The following TYR variants were observed in gnomAD, a reference collection of about 807,000 sequenced individuals.
TYR encodes LB24-AB.
TYR carries 58 observed loss-of-function variants against 51.5 expected under a neutral mutation model. That is an observed-to-expected ratio of 1.13 (90% CI 0.91 to 1.40). TYR has a LOEUF of 1.40. Among genes scored for constraint, TYR ranks in the 40% most tolerant of loss-of-function variants. TYR has a pLI of 0.00. For synonymous variants in TYR, 263 were observed against 235.2 expected (o/e 1.12, Z -1.08); for missense variants, 732 against 647.4 (o/e 1.13, Z -1.42).
intron 1 of TYR, among the ~76,000 whole-genome samples, chr11:89,189,252 G>A (rs938336478): frequency 8.5e-5 from 13 of 152,096 alleles, no homozygotes; most frequent in Non-Finnish European, 1.5e-4. Flanking sequence ...TTTGTGAAGC[G>A]AAATGTATTG....
intron 3 of TYR, among the ~76,000 whole-genome samples, chr11:89,235,221 T>A (rs1344763037): frequency 6.6e-6 from 1 of 152,092 alleles, no homozygotes; most frequent in Non-Finnish European, 1.5e-5. Flanking sequence ...CACATGCACA[T>A]TTTTGGGTGG....
Position 89,227,873 on chromosome 11 carries a change from C to A in TYR, c.1087C>A (p.His363Asn). Residue 363 changes from histidine (H) to asparagine (N), a missense_variant, in exon 3 of 5, where the codon CAC becomes AAC. Transcript: ENST00000263321. ...AGCGGATGCCTCTCAAAGCAGCATG[C>A]ACAATGCCTTGCACATCTATATGAA... ...GIADASQSSM[H>N]NALHIYMNGT... 6.2e-7 allele frequency: 1 copy of A among 1,613,326 alleles called. No individual in the cohort carries two copies.
At chr11:89,293,430 T>C (rs1944871142) in intron 4 of TYR, among the ~76,000 whole-genome samples, 1 of 152,004 alleles carries the variant, frequency 6.6e-6, no homozygotes, top group Admixed American at 6.6e-5. Flanking sequence ...TATGGAAATT[T>C]TCCCCGACAT....
intron 3 of TYR, among the ~76,000 whole-genome samples, chr11:89,229,141 A>G (rs1257616421): frequency 1.3e-5 from 2 of 152,152 alleles, no homozygotes; most frequent in Non-Finnish European, 2.9e-5. Flanking sequence ...CCACAGGAAC[A>G]TGGACATAAA....
At chr11:89,293,596 A>AC (rs1294804294) in intron 4 of TYR, 1 of 152,514 alleles carries the variant, frequency 6.6e-6, no homozygotes, top group Non-Finnish European at 1.5e-5. Context: ...ATGAAAAAAA[A>AC]ACACACACAC....
At chr11:89,253,489 T>G (rs796429217) in intron 3 of TYR, among the ~76,000 whole-genome samples, 25 of 151,986 alleles carry the variant, frequency 1.6e-4, no homozygotes, top group Admixed American at 5.9e-4. Context: ...TGTCTATGAT[T>G]TCTTTCATCA....
At chr11:89,191,760 G>A (rs1943449318) in intron 2 of TYR, among the ~76,000 whole-genome samples, 1 of 152,084 alleles carries the variant, frequency 6.6e-6, no homozygotes. Flanking sequence ...AGACTCTGAG[G>A]AAAGAAGCAG....
chr11:89,227,971 G>A lies in TYR; in HGVS notation c.1184+1G>A. Reference sequence around the variant, plus strand: ...TTCTTCACCATGCATTTGTTGACAGGTTGGTTAATATTTCTTTATAAATAA... The same window carrying A: ...TTCTTCACCATGCATTTGTTGACAGATTGGTTAATATTTCTTTATAAATAA... On this transcript the variant is annotated splice_donor_variant, in intron 3 of 4. Transcript: ENST00000263321. LOFTEE classifies it high-confidence loss of function. 6.2e-7 allele frequency: 1 copy of A among 1,613,074 alleles called. No individual in the cohort carries two copies. Among genetic ancestry groups the A allele is most frequent in the Non-Finnish European group, 8.5e-7 (1 of 1,179,522 alleles).
At position 89,177,887 on chromosome 11, in the gene TYR, G is replaced by C. The variant is rs1943243930; in HGVS notation, c.-67G>C. 1 of 1,503,066 alleles carries C rather than the reference G, an allele frequency of 6.7e-7. No homozygotes were observed. Among genetic ancestry groups the C allele is most frequent in the Non-Finnish European group, 9.2e-7 (1 of 1,084,516 alleles). The allele number at this position is 1,503,066 out of a possible 1,614,324, so 93.1% of individuals were successfully genotyped here. A position where few individuals can be genotyped will look rare whatever the true frequency, so the allele number is the denominator to read the frequency against. On this transcript the variant is annotated 5_prime_UTR_variant, in exon 1 of 5. Transcript: ENST00000263321. ...ACATGTGATAATCACTGTAGTAGTA[G>C]CTGGAAAGAGAAATCTGTGACTCCA...
chr11:89,240,376 TAAC>T (rs906394210), intron 3 of TYR, among the ~76,000 whole-genome samples: 2 of 152,036 alleles, frequency 1.3e-5, no homozygotes, highest in African/African-American at 4.8e-5. Flanking sequence ...AGAAACAAAA[TAAC>T]AAAATTAATG....
chr11:89,209,696 A>G (rs1251924696), intron 2 of TYR, among the ~76,000 whole-genome samples: 2 of 152,160 alleles, frequency 1.3e-5, no homozygotes, highest in Non-Finnish European at 2.9e-5. Context: ...ACTGGGAGAC[A>G]CTACCCAGTA....
At chr11:89,204,195 A>C (rs1182664935) in intron 2 of TYR, among the ~76,000 whole-genome samples, 2 of 152,152 alleles carry the variant, frequency 1.3e-5, no homozygotes, top group African/African-American at 2.4e-5. Context: ...TAATTAGGCC[A>C]CCCAATCCAT....
intron 2 of TYR, among the ~76,000 whole-genome samples, chr11:89,220,708 C>G (rs936051600): frequency 2.0e-5 from 3 of 152,040 alleles, no homozygotes; most frequent in African/African-American, 7.2e-5. Context: ...GAGCGGAGAT[C>G]ACACCACTGC....
At chr11:89,231,915 A>C (rs1272499676) in intron 3 of TYR, among the ~76,000 whole-genome samples, 1 of 138,082 alleles carries the variant, frequency 7.2e-6, no homozygotes, top group Non-Finnish European at 1.5e-5. Context: ...AACCTGGGAG[A>C]CCAAGGTTGC....
chr11:89,250,175 T>C (rs1944314474), intron 3 of TYR, among the ~76,000 whole-genome samples: 1 of 152,070 alleles, frequency 6.6e-6, no homozygotes, highest in Non-Finnish European at 1.5e-5. Context: ...TTAGGAAGCA[T>C]GTTGGTCTGG....
In TYR at chr11:89,215,388, G is replaced by A. The variant is rs913147015; in HGVS notation, c.1037-12435G>A. Among the ~76,000 whole-genome samples the A allele has an allele frequency of 4.0e-5, 6 of 150,146 alleles. 1 individual carries two copies. Among genetic ancestry groups the A allele is most frequent in the Admixed American group, 2.7e-4 (4 of 15,036 alleles). ...CCTGTTTGGGGGTGGGGGGCTGGGG[G>A]AGGGATAGTGTTAGGAGAAATATCT... On this transcript the variant is annotated intron_variant, in intron 2 of 4. Coordinates refer to ENST00000263321, the MANE Select transcript of TYR (RefSeq NM_000372.5).
At chr11:89,235,322 C>A (rs538723341) in intron 3 of TYR, among the ~76,000 whole-genome samples, 1 of 152,056 alleles carries the variant, frequency 6.6e-6, no homozygotes, top group African/African-American at 2.4e-5. Flanking sequence ...CCACTTCTGA[C>A]TATATATCAA....
At chr11:89,212,978 A>C (rs547820301) in intron 2 of TYR, among the ~76,000 whole-genome samples, 1 of 152,178 alleles carries the variant, frequency 6.6e-6, no homozygotes, top group Non-Finnish European at 1.5e-5. Flanking sequence ...CCCGCAGCCA[A>C]TATTATACTG....
intron 3 of TYR, among the ~76,000 whole-genome samples, chr11:89,244,108 G>T: frequency 6.6e-6 from 1 of 152,004 alleles, no homozygotes; most frequent in East Asian, 1.9e-4. Context: ...AAAAATAGAG[G>T]CTATTTCCAA....
Sources: allele counts gnomAD v4.1 joint callset (sites outside exome capture counted in the v4.1 genomes callset), GRCh38; gene constraint gnomAD v4.1.1; transcripts MANE v1.5; gene names NCBI Gene and HGNC (gene_info 2026-07-23, HGNC 2026-07-21).